TMEM242: variants seen among roughly 807,000 people sequenced by gnomAD.
The protein encoded by TMEM242 is transmembrane protein 242.
TMEM242 carries 10 observed loss-of-function variants against 18.2 expected under a neutral mutation model. The ratio of observed to expected loss-of-function variants is 0.55; its 90% CI spans 0.34 to 0.93. The LOEUF (loss-of-function observed/expected upper bound fraction) is 0.93. Ranked by LOEUF, TMEM242 falls within the 40% of genes least tolerant of loss-of-function variation. TMEM242 has a pLI of 0.02. For missense variants in TMEM242, 186 were observed against 175.5 expected (o/e 1.06, Z -0.34); for synonymous variants, 57 against 69.9 (o/e 0.81, Z 0.92).
chr6:157,299,913 T>G, intron 3 of TMEM242: 1 of 1,612,086 alleles, frequency 6.2e-7, no homozygotes, highest in Non-Finnish European at 8.5e-7. Context: ...GCGCAGGCCA[T>G]GCCCACCGAT....
At chr6:157,301,424 G>C (rs1777828915) in intron 3 of TMEM242, among the ~76,000 whole-genome samples, 1 of 151,858 alleles carries the variant, frequency 6.6e-6, no homozygotes, top group Non-Finnish European at 1.5e-5. Context: ...CCATTCTCCT[G>C]TCTCAGCCTC....
chr6:157,302,027 C>A (rs902480826), intron 3 of TMEM242, among the ~76,000 whole-genome samples: 10 of 152,302 alleles, frequency 6.6e-5, no homozygotes, highest in Middle Eastern at 3.4e-3. Context: ...GAGTTCCTGA[C>A]ATCCTGTTTC....
intron 1 of TMEM242, 28 bp from the exon 2 acceptor site, chr6:157,322,833 G>T: frequency 6.4e-7 from 1 of 1,568,368 alleles, no homozygotes; most frequent in Non-Finnish European, 8.7e-7. Flanking sequence ...GAGGAGGGGG[G>T]ATATTAAAAA....
intron 3 of TMEM242, among the ~76,000 whole-genome samples, chr6:157,301,354 G>C (rs1777828213): frequency 6.6e-6 from 1 of 151,412 alleles, no homozygotes; most frequent in Non-Finnish European, 1.5e-5. Context: ...GTCTTGCTCT[G>C]TTGCCCAGGT....
intron 3 of TMEM242, among the ~76,000 whole-genome samples, chr6:157,311,136 G>C (rs1778052431): frequency 2.1e-5 from 3 of 142,314 alleles, no homozygotes; most frequent in Non-Finnish European, 3.0e-5. Context: ...CCATCATAGT[G>C]TCCCAGTGTG....
At chr6:157,318,472 C>T (rs1328234959) in intron 3 of TMEM242, 6 of 362,854 alleles carry the variant, frequency 1.7e-5, no homozygotes, top group Non-Finnish European at 2.4e-5. Flanking sequence ...ATTTGCCTGC[C>T]GCAGGCTCCC....
Position 157,322,820 on chromosome 6 carries a change from G to A in TMEM242, c.89-15C>T, listed in dbSNP as rs145983020. The A allele has an allele frequency of 6.3e-4, 1,008 of 1,592,654 alleles. 12 individuals are homozygous for A. In the East Asian group the frequency reaches 0.02, roughly 32 times the overall value. On this transcript the variant is annotated splice_polypyrimidine_tract_variant and intron_variant, in intron 1 of 3. Coordinates refer to ENST00000400788, the MANE Select transcript of TMEM242 (RefSeq NM_018452.6). ...GAAAATTCCACCTGCCAAGAGTTTCGGGGAGGAGGGGGGATATTAAAAAAA... is the reference window on the plus strand; with the variant it reads ...GAAAATTCCACCTGCCAAGAGTTTCAGGGAGGAGGGGGGATATTAAAAAAA...
chr6:157,318,843 T>C lies in TMEM242; in HGVS notation c.266A>G (p.Tyr89Cys), dbSNP rs1175507889. The C allele has an allele frequency of 1.9e-6, 3 of 1,613,822 alleles. No individual in the cohort carries two copies. The highest frequency in any genetic ancestry group is 2.5e-6 in the Non-Finnish European group (3 of 1,179,994). Residue 89 changes from tyrosine to cysteine, a missense_variant, in exon 3 of 4, where the codon TAT becomes TGT. Transcript: ENST00000400788. ...ALRALGWGSL[Y>C]AWCGVGVISF... ...AATCACACCAACCCCACACCATGCA[T>C]ACAGGGAGCCCCAGCCCAGAGCTCG...
chr6:157,301,976 G>A (rs1299488156), intron 3 of TMEM242, among the ~76,000 whole-genome samples: 1 of 152,128 alleles, frequency 6.6e-6, no homozygotes, highest in African/African-American at 2.4e-5. Context: ...GGAACAATAA[G>A]CAAAGGAGTT....
At chr6:157,300,022 C>T (rs1777805893) in intron 3 of TMEM242, 4 of 1,086,776 alleles carry the variant, frequency 3.7e-6, no homozygotes, top group Non-Finnish European at 5.7e-6. Context: ...GCCAGGCGCC[C>T]TTGAGCGGCA....
chr6:157,323,424 A>G lies in TMEM242; in HGVS notation c.76T>C (p.Phe26Leu), dbSNP rs781975311. Reference sequence around the variant, plus strand: ...CAGCACATCTTACCTTTAACCAGGAAAAGCCGGTCATTCGTGGACCCCGGA... The same window carrying G: ...CAGCACATCTTACCTTTAACCAGGAGAAGCCGGTCATTCGTGGACCCCGGA... ...EAPGSTNDRL[F>L]LVKGGIFLGT... is the part of the protein sequence containing the mutation. Residue 26 changes from phenylalanine (F) to leucine (L), a missense_variant, in exon 1 of 4, where the codon TTC (phenylalanine) becomes CTC (leucine). Physicochemically the swap from Phe to Leu is conservative, Grantham distance 22. Transcript: ENST00000400788. 2.5e-6 allele frequency: 4 copies of G among 1,614,088 alleles called. No individual in the cohort carries two copies. Among genetic ancestry groups the G allele is most frequent in the Non-Finnish European group, 3.4e-6 (4 of 1,179,954 alleles).
intron 3 of TMEM242, among the ~76,000 whole-genome samples, chr6:157,306,336 A>T (rs782125925): frequency 5.9e-5 from 9 of 152,232 alleles, no homozygotes; most frequent in South Asian, 2.1e-4. Flanking sequence ...TCTTGGAGCA[A>T]GAAGGTGCCA....
At chr6:157,321,167 C>T (rs587611358) in intron 2 of TMEM242, among the ~76,000 whole-genome samples, 1 of 152,074 alleles carries the variant, frequency 6.6e-6, no homozygotes, top group Non-Finnish European at 1.5e-5. Flanking sequence ...CGCCACCCGC[C>T]CAGTTAATTC....
At chr6:157,313,434 T>A (rs143462009) in intron 3 of TMEM242, among the ~76,000 whole-genome samples, 91 of 7,588 alleles carry the variant, frequency 0.012, 2 homozygotes, top group Middle Eastern at 0.12. Flanking sequence ...CCTGGCCTCA[T>A]CATAGTGCCC....
intron 3 of TMEM242, among the ~76,000 whole-genome samples, chr6:157,304,327 A>G (rs1482123741): frequency 1.3e-5 from 2 of 151,832 alleles, no homozygotes; most frequent in Non-Finnish European, 2.9e-5. Flanking sequence ...TCAGTCGGGC[A>G]TGGTGGTGCA....
chr6:157,319,060 C>T, intron 2 of TMEM242, 141 bp from the exon 3 acceptor site: 1 of 846,824 alleles, frequency 1.2e-6, no homozygotes, highest in Non-Finnish European at 1.7e-6. Context: ...TCTGGCTTTG[C>T]TACTTAATAA....
intron 2 of TMEM242, 33 bp from the exon 3 acceptor site, chr6:157,318,952 A>T: frequency 6.3e-7 from 1 of 1,578,492 alleles, no homozygotes; most frequent in South Asian, 1.2e-5. Flanking sequence ...AGGTAAAAAC[A>T]ATCAGTGCAG....
intron 3 of TMEM242, among the ~76,000 whole-genome samples, chr6:157,306,235 G>A (rs1777917616): frequency 6.6e-6 from 1 of 152,226 alleles, no homozygotes; most frequent in Non-Finnish European, 1.5e-5. Context: ...CAGAGAAGGT[G>A]AAGGCCAGAG....
intron 3 of TMEM242, among the ~76,000 whole-genome samples, chr6:157,304,812 T>G (rs587747538): frequency 6.6e-6 from 1 of 152,308 alleles, no homozygotes; most frequent in East Asian, 1.9e-4. Context: ...TAAATTAAGT[T>G]TGAGTTGAAA....
Sources: allele counts gnomAD v4.1 joint callset (sites outside exome capture counted in the v4.1 genomes callset), GRCh38; gene constraint gnomAD v4.1.1; transcripts MANE v1.5; gene names NCBI Gene and HGNC (gene_info 2026-07-23, HGNC 2026-07-21).